PALB2: variants seen among roughly 807,000 people sequenced by gnomAD.
The protein encoded by PALB2 is partner and localizer of BRCA2.
PALB2 carries 82 observed loss-of-function variants against 107.4 expected under a neutral mutation model. That is an observed-to-expected ratio of 0.76 (90% CI 0.64 to 0.92). The LOEUF is 0.92. Among genes scored for constraint, PALB2 ranks in the 40% least tolerant of loss-of-function variants. PALB2 has a pLI of 0.00. For missense variants in PALB2, 1,374 were observed against 1,379.9 expected, an observed-to-expected ratio of 1.00 and a Z score of 0.07; for synonymous variants, 489 against 496.8, an observed-to-expected ratio of 0.98 and a Z score of 0.21.
chr16:23,613,222 T>A (rs1966618855), intron 11 of PALB2, among the ~76,000 whole-genome samples: 2 of 152,162 alleles, frequency 1.3e-5, no homozygotes, highest in South Asian at 2.1e-4. Flanking sequence ...CTAACTACAG[T>A]CATTCTACTC....
chr16:23,621,556 C>T, intron 9 of PALB2, 78 bp from the exon 10 acceptor site: 2 of 873,734 alleles, frequency 2.3e-6, no homozygotes, highest in Non-Finnish European at 3.9e-6. Flanking sequence ...CATTGTTGAA[C>T]TGCATAATAT....
At chr16:23,612,013 G>C (rs986525432) in intron 11 of PALB2, among the ~76,000 whole-genome samples, 1 of 152,186 alleles carries the variant, frequency 6.6e-6, no homozygotes, top group African/African-American at 2.4e-5. Context: ...ATCCTACTAG[G>C]CTAGGGAAAG....
In PALB2 at chr16:23,639,725, C is replaced by A. The variant is rs553714368; in HGVS notation, c.48+1385G>T. 2.7e-5 allele frequency among the ~76,000 whole-genome samples: 4 copies of A among 150,744 alleles called. No homozygotes were observed. The South Asian group carries it at 8.4e-4, about 32-fold the overall frequency. ...ATCCCAACTACTCGGGAGGCTGAGG[C>A]AGGAGAATCGCTTGAACCTGAGAGG... On this transcript the variant is annotated intron_variant, in intron 1 of 12. Coordinates refer to ENST00000261584, the MANE Select transcript of PALB2 (RefSeq NM_024675.4).
At position 23,636,380 on chromosome 16, in the gene PALB2, T is replaced by TA. The variant is rs759760268; in HGVS notation, c.212-47dup. The TA allele has an allele frequency of 5.0e-5, 66 of 1,322,508 alleles. No homozygotes were observed. The highest frequency in any genetic ancestry group is 2.6e-4 in the Middle Eastern group (1 of 3,806). The allele number at this position is 1,322,508 out of a possible 1,614,324, so 81.9% of individuals were successfully genotyped here. A position where few individuals can be genotyped will look rare whatever the true frequency, so the allele number is the denominator to read the frequency against. On this transcript the variant is annotated intron_variant, in intron 3 of 12. Transcript: ENST00000261584. ...TATAACTTATATTTTTCTTATAAAATAAAACAAAAAATACTCATTTTTAAC... is the reference window on the plus strand; with the variant it reads ...TATAACTTATATTTTTCTTATAAAATAAAAACAAAAAATACTCATTTTTAAC...
At chr16:23,613,312 CTG>C in intron 11 of PALB2, among the ~76,000 whole-genome samples, 1 of 152,258 alleles carries the variant, frequency 6.6e-6, no homozygotes, top group Non-Finnish European at 1.5e-5. Context: ...AGCTGAGTAA[CTG>C]TATTTATTTC....
At chr16:23,619,028 G>C (rs1435407071) in intron 10 of PALB2, among the ~76,000 whole-genome samples, 2 of 152,088 alleles carry the variant, frequency 1.3e-5, no homozygotes, top group Non-Finnish European at 1.5e-5. Flanking sequence ...TAGAAGGTTA[G>C]GGTTGTAAGT....
rs180177123 is a variant in PALB2, at chr16:23,626,252, G to A, written c.2732C>T (p.Thr911Ile). The change falls in exon 7 of 13, where the codon ACC becomes ATC. Residue 911 changes from threonine to isoleucine, a missense_variant. Physicochemically the swap from Thr to Ile is moderately conservative, Grantham distance 89. Coordinates refer to ENST00000261584, the MANE Select transcript of PALB2 (RefSeq NM_024675.4). The part of the protein sequence containing the change: ...LDAWQWEKLY[T>I]WHFAEVPVLQ... ...CCCACTTACCTCTGCGAAGTGCCAG[G>A]TATAAAGTTTTTCCCACTGCCAAGC... 1 of 1,614,116 alleles carries A rather than the reference G, an allele frequency of 6.2e-7. No individual in the cohort carries two copies. Among genetic ancestry groups the A allele is most frequent in the Middle Eastern group, 1.6e-4 (1 of 6,062 alleles).
At chr16:23,619,335 C>G (rs1320095596) in intron 10 of PALB2, among the ~76,000 whole-genome samples, 3 of 152,148 alleles carry the variant, frequency 2.0e-5, no homozygotes, top group African/African-American at 7.2e-5. Flanking sequence ...AATTTGGTTC[C>G]TGTGATCACA....
At chr16:23,640,591 G>T (rs985326269) in intron 1 of PALB2, 1 of 232,718 alleles carries the variant, frequency 4.3e-6, no homozygotes, top group African/African-American at 2.2e-5. Flanking sequence ...ACTTAAAAAA[G>T]AAAGCAAGGT....
rs2142357318 is a variant in PALB2 at position 23,626,444 on chromosome 16, T to C, written c.2587-47A>G. The stretch of plus-strand genomic sequence containing the variant: ...TGTTAAAGTGGCACTCGAGTGCTGT[T>C]TTATGCAAAGCATAAGTATGCAAAG... On this transcript the variant is annotated intron_variant, in intron 6 of 12. Transcript: ENST00000261584. 1.2e-6 allele frequency: 2 copies of C among 1,604,298 alleles called. No individual in the cohort carries two copies. The highest frequency in any genetic ancestry group is 1.7e-6 in the Non-Finnish European group (2 of 1,171,092).
intron 4 of PALB2, 82 bp downstream of exon 4, chr16:23,634,780 G>A: frequency 6.5e-7 from 1 of 1,530,316 alleles, no homozygotes; most frequent in Non-Finnish European, 8.8e-7. Context: ...TTTTAGAAAA[G>A]AAAGAAAAGG....
intron 12 of PALB2, 56 bp downstream of exon 12, chr16:23,607,808 T>C (rs1439628758): frequency 1.0e-5 from 16 of 1,600,450 alleles, no homozygotes; most frequent in Middle Eastern, 2.0e-4. Flanking sequence ...GTTTTTGTGT[T>C]TGCACAGTGC....
At chr16:23,631,197 G>A (rs570453372) in intron 4 of PALB2, among the ~76,000 whole-genome samples, 20 of 147,590 alleles carry the variant, frequency 1.4e-4, no homozygotes, top group South Asian at 8.6e-4. Context: ...GGAGAATGGC[G>A]TGAACCCAGG....
intron 10 of PALB2, 49 bp downstream of exon 10, chr16:23,621,313 A>G (rs1966766639): frequency 8.6e-7 from 1 of 1,164,554 alleles, no homozygotes; most frequent in Non-Finnish European, 1.3e-6. Context: ...TTAGAGGTAT[A>G]TCCTCATACT....
chr16:23,612,318 A>T (rs1477659390), intron 11 of PALB2, among the ~76,000 whole-genome samples: 1 of 152,064 alleles, frequency 6.6e-6, no homozygotes, highest in Admixed American at 6.6e-5. Flanking sequence ...CCTGGGTTCA[A>T]GCAATTCTTC....
Position 23,641,146 on chromosome 16 carries a change from A to G in PALB2, c.12T>C (p.Pro4=), listed in dbSNP as rs567706422. The G allele has an allele frequency of 2.3e-4, 376 of 1,613,052 alleles. No homozygotes were observed. The highest frequency in any genetic ancestry group is 3.1e-4 in the Non-Finnish European group (367 of 1,179,792). The change falls in exon 1 of 13, where the codon CCT becomes CCC. Residue 4 remains proline, a synonymous_variant. Coordinates refer to ENST00000261584, the MANE Select transcript of PALB2 (RefSeq NM_024675.4). The stretch of plus-strand genomic sequence containing the variant: ...CCTCACAGCTGAGGGGCTTCCCGGG[A>G]GGCTCGTCCATCGGGCAGGCGACAG... MDE[P]PGKPLSCEEK...
In PALB2 at chr16:23,621,457, C is replaced by G. The variant is rs1597079904; in HGVS notation, c.3018G>C (p.Leu1006Phe). The G allele has an allele frequency of 6.2e-7, 1 of 1,613,832 alleles. No homozygotes were observed. Among genetic ancestry groups the G allele is most frequent in the Non-Finnish European group, 8.5e-7 (1 of 1,179,862 alleles). Residue 1006 changes from leucine to phenylalanine, a missense_variant, in exon 10 of 13, where the codon TTG (leucine) becomes TTC (phenylalanine). Physicochemically the swap from Leu to Phe is conservative, Grantham distance 22. Transcript: ENST00000261584. ...EDGGGKENQF[L>F]MPPEETILTF... ...TTAGTATAGTCTCCTCAGGGGGCAT[C>G]AAAAATTGGTTTTCTTTGCCTCTGT...
At position 23,629,588 on chromosome 16, in the gene PALB2, C is replaced by G. The variant is rs2142370702; in HGVS notation, c.2514+52G>C. On this transcript the variant is annotated intron_variant, in intron 5 of 12. Transcript: ENST00000261584. Reference sequence around the variant, plus strand: ...AAGCAAGTCATGCTGTTTACATTCACTAAGGCATTTCATTCCTTCAGAGAA... The same window carrying G: ...AAGCAAGTCATGCTGTTTACATTCAGTAAGGCATTTCATTCCTTCAGAGAA... The G allele has an allele frequency of 9.1e-6, 14 of 1,540,788 alleles. No individual in the cohort carries two copies. The South Asian group carries it at 1.6e-4, about 17-fold the overall frequency.
rs1385914265 is a variant in PALB2 at position 23,635,842 on chromosome 16, G to C, written c.704C>G (p.Thr235Arg). The C allele has an allele frequency of 6.2e-7, 1 of 1,614,162 alleles. No homozygotes were observed. The highest frequency in any genetic ancestry group is 8.5e-7 in the Non-Finnish European group (1 of 1,180,024). Residue 235 changes from threonine to arginine, a missense_variant, in exon 4 of 13, where the codon ACA (threonine) becomes AGA (arginine). Coordinates refer to ENST00000261584, the MANE Select transcript of PALB2 (RefSeq NM_024675.4). ...GGTGAAATTAGGTCTTCTTAGGAAT[G>C]TATCAACACCTTTTTCTGGTTGGGC... ...PTAQPEKGVD[T>R]FLRRPNFTRA...
Sources: allele counts gnomAD v4.1 joint callset (sites outside exome capture counted in the v4.1 genomes callset), GRCh38; gene constraint gnomAD v4.1.1; transcripts MANE v1.5; gene names NCBI Gene and HGNC (gene_info 2026-07-23, HGNC 2026-07-21).